NCKAP5: variants seen among roughly 807,000 people sequenced by gnomAD.
NCKAP5 encodes nck-associated protein 5.
A neutral mutation model predicts 167.0 loss-of-function variants in NCKAP5; 92 were observed. That is an observed-to-expected ratio of 0.55 (90% CI 0.47 to 0.66). The LOEUF (loss-of-function observed/expected upper bound fraction) is 0.66. Among genes scored for constraint, NCKAP5 ranks in the 30% least tolerant of loss-of-function variants. The pLI is 0.00. For synonymous variants in NCKAP5, 891 were observed against 877.4 expected (o/e 1.02, Z -0.27); for missense variants, 2,378 against 2,315.0 (o/e 1.03, Z -0.56).
At chr2:133,642,165 C>T in the NCKAP5 span, among the ~76,000 whole-genome samples, 8 of 152,126 alleles carry the variant, frequency 5.3e-5, no homozygotes, top group African/African-American at 1.4e-4. Context: ...TTTTAAACAA[C>T]TTTCTCTTGA....
intron 16 of NCKAP5, among the ~76,000 whole-genome samples, chr2:132,762,944 T>G (rs67767426): frequency 0.13 from 19,689 of 152,152 alleles, 1,536 homozygotes; most frequent in African/African-American, 0.2. Flanking sequence ...GTATGAGAGC[T>G]TTTTTTGGTA....
chr2:133,080,388 T>C (rs1349385541), intron 6 of NCKAP5, among the ~76,000 whole-genome samples: 2 of 152,152 alleles, frequency 1.3e-5, no homozygotes, highest in African/African-American at 2.4e-5. Flanking sequence ...GGTTAAATGG[T>C]ATACTCGAGA....
intron 3 of NCKAP5, among the ~76,000 whole-genome samples, chr2:133,346,817 G>T (rs1317651584): frequency 1.3e-5 from 2 of 152,260 alleles, no homozygotes; most frequent in East Asian, 3.8e-4. Flanking sequence ...ATGCATTACT[G>T]AGTAACACAT....
chr2:132,692,143 TA>T (rs1311531025), intron 19 of NCKAP5, among the ~76,000 whole-genome samples: 4 of 149,686 alleles, frequency 2.7e-5, no homozygotes, highest in Admixed American at 1.3e-4. Flanking sequence ...TATTTTATTT[TA>T]TTTTATTTTA....
Position 133,116,205 on chromosome 2 carries a change from T to TCA in NCKAP5, c.341+13772_341+13773insTG, listed in dbSNP as rs1574076304. 9.8e-3 allele frequency among the ~76,000 whole-genome samples: 1,360 copies of TCA among 139,164 alleles called. 253 individuals carry two copies. The highest frequency in any genetic ancestry group is 0.03 in the East Asian group (108 of 3,562). 91.3% of individuals were successfully genotyped at this position (139,164 alleles called of 152,430 possible). A position where few individuals can be genotyped will look rare whatever the true frequency, so the allele number is the denominator to read the frequency against. ...ACTTACGCAAAATAAGAAAAATTTG[T>TCA]GGCCGGGCGCGGTGGCTCACGCCTG... On this transcript the variant is annotated intron_variant, in intron 6 of 19. Coordinates refer to ENST00000409261, the MANE Select transcript of NCKAP5 (RefSeq NM_207363.3).
At chr2:133,082,484 T>C (rs1019207427) in intron 6 of NCKAP5, among the ~76,000 whole-genome samples, 5 of 152,074 alleles carry the variant, frequency 3.3e-5, no homozygotes, top group Admixed American at 1.3e-4. Flanking sequence ...GGTGGGTGGG[T>C]GGAAGGGGAT....
At chr2:133,611,765 C>A in the NCKAP5 span, among the ~76,000 whole-genome samples, 1 of 152,142 alleles carries the variant, frequency 6.6e-6, no homozygotes, top group Admixed American at 6.6e-5. Flanking sequence ...CCAAAACATT[C>A]TCTCCCCTAT....
At chr2:133,000,958 G>T (rs1195349966) in intron 6 of NCKAP5, among the ~76,000 whole-genome samples, 10 of 152,140 alleles carry the variant, frequency 6.6e-5, no homozygotes, top group Admixed American at 3.9e-4. Context: ...TTTAAGAATA[G>T]CAATTGCCTT....
At chr2:132,994,409 C>G (rs890505314) in intron 6 of NCKAP5, among the ~76,000 whole-genome samples, 170 bp from the exon 7 acceptor site, 1 of 152,180 alleles carries the variant, frequency 6.6e-6, no homozygotes, top group Non-Finnish European at 1.5e-5. Flanking sequence ...TCCTTTGCAA[C>G]CATTCTTTGG....
chr2:133,589,189 G>C, the NCKAP5 span, among the ~76,000 whole-genome samples: 2 of 152,224 alleles, frequency 1.3e-5, no homozygotes, highest in African/African-American at 2.4e-5. Context: ...GTAATCCAGA[G>C]AGTGACATGG....
In NCKAP5 at chr2:132,672,371, T is replaced by G. The variant is rs1480042570; in HGVS notation, c.*918A>C. The G allele has an allele frequency of 6.6e-6, 1 of 152,268 alleles. No homozygotes were observed. Among genetic ancestry groups the G allele is most frequent in the African/African-American group, 2.4e-5 (1 of 41,464 alleles). The allele number at this position is 152,268 out of a possible 1,614,324, so 9.4% of individuals were successfully genotyped here. ...TTCTGATACAATGTCACACTCCCAA[T>G]CAGTGTCCACACTTCAGGACCCTTT... On this transcript the variant is annotated 3_prime_UTR_variant, in exon 20 of 20. Coordinates refer to ENST00000409261, the MANE Select transcript of NCKAP5 (RefSeq NM_207363.3).
chr2:133,289,756 G>C (rs1223929823), intron 4 of NCKAP5, among the ~76,000 whole-genome samples: 1 of 152,048 alleles, frequency 6.6e-6, no homozygotes, highest in Non-Finnish European at 1.5e-5. Context: ...ACTTGAGACT[G>C]GGTGATTTAT....
intron 5 of NCKAP5, among the ~76,000 whole-genome samples, chr2:133,201,666 AATGAAGACATGC>A (rs2085694553): frequency 6.6e-6 from 1 of 152,292 alleles, no homozygotes; most frequent in Non-Finnish European, 1.5e-5. Context: ...CAAATTAGAC[AATGAAGACATGC>A]ATTTCACCAC....
chr2:133,477,185 TC>T lies in NCKAP5; in HGVS notation c.69+40272del, dbSNP rs539728993. 1.7e-3 allele frequency among the ~76,000 whole-genome samples: 256 copies of T among 152,320 alleles called. 4 individuals are homozygous for T. Among genetic ancestry groups the T allele is most frequent in the African/African-American group, 5.9e-3 (247 of 41,554 alleles). ...TGTGCTACGAGACTCTAATTTTACTTCCTTAGAAGAGCAAAAAGGAGTGAGG... is the reference window on the plus strand; with the variant it reads ...TGTGCTACGAGACTCTAATTTTACTTCTTAGAAGAGCAAAAAGGAGTGAGG... On this transcript the variant is annotated intron_variant, in intron 3 of 19. Transcript: ENST00000409261.
chr2:132,885,222 A>C (rs368657692), intron 8 of NCKAP5, among the ~76,000 whole-genome samples: 4 of 152,278 alleles, frequency 2.6e-5, no homozygotes, highest in African/African-American at 7.2e-5. Context: ...AGGAAAAAAA[A>C]CCCTCTTAAC....
intron 3 of NCKAP5, among the ~76,000 whole-genome samples, chr2:133,357,154 T>C: frequency 6.6e-6 from 1 of 152,162 alleles, no homozygotes; most frequent in South Asian, 2.1e-4. Context: ...CCCTCAAAAA[T>C]ATTTGATGGA....
At chr2:132,800,811 T>C (rs967662053) in intron 11 of NCKAP5, among the ~76,000 whole-genome samples, 4 of 152,144 alleles carry the variant, frequency 2.6e-5, no homozygotes. Flanking sequence ...TCTTACTGAG[T>C]TGTTCTCTGT....
intron 2 of NCKAP5, among the ~76,000 whole-genome samples, chr2:133,521,560 T>G (rs767743505): frequency 4.6e-5 from 7 of 152,224 alleles, no homozygotes; most frequent in Non-Finnish European, 8.8e-5. Context: ...CAAGATCAAG[T>G]GCTAGCAGAG....
the NCKAP5 span, among the ~76,000 whole-genome samples, chr2:133,583,593 T>A: frequency 6.6e-6 from 1 of 152,160 alleles, no homozygotes; most frequent in African/African-American, 2.4e-5. Flanking sequence ...TTCTCTATCA[T>A]GGAGTTTGTA....
Sources: allele counts gnomAD v4.1 joint callset (sites outside exome capture counted in the v4.1 genomes callset), GRCh38; gene constraint gnomAD v4.1.1; transcripts MANE v1.5; gene names NCBI Gene and HGNC (gene_info 2026-07-23, HGNC 2026-07-21).